SIL1: variants seen among roughly 807,000 people sequenced by gnomAD.
The protein encoded by SIL1 is SIL1 nucleotide exchange factor, also known as nucleotide exchange factor SIL1.
A neutral mutation model predicts 49.1 loss-of-function variants in SIL1; 40 were observed. The observed-to-expected ratio is 0.81, with a 90% CI of 0.63 to 1.06. The LOEUF (loss-of-function observed/expected upper bound fraction) is 1.06. Ranked by LOEUF, SIL1 falls within the 50% of genes least tolerant of loss-of-function variation. The probability of loss-of-function intolerance (pLI) is 0.00; values close to 1 mark genes in which losing one functional copy is unlikely to be tolerated. For missense variants in SIL1, 500 were observed against 572.6 expected (o/e 0.87, Z 1.29); for synonymous variants, 253 against 250.8 (o/e 1.01, Z -0.08).
At chr5:139,143,304 T>TACACACACACAC (rs1351115706) in intron 1 of SIL1, among the ~76,000 whole-genome samples, 2 of 73,014 alleles carry the variant, frequency 2.7e-5, no homozygotes, top group African/African-American at 1.5e-4. Context: ...TATATACATA[T>TACACACACACAC]ATACACACAC....
chr5:139,000,020 A>C (rs998052446), intron 7 of SIL1, among the ~76,000 whole-genome samples: 10 of 152,140 alleles, frequency 6.6e-5, no homozygotes, highest in Non-Finnish European at 1.3e-4. Flanking sequence ...AAGTGATGTA[A>C]ATAGGCATCT....
chr5:138,984,340 T>G (rs971001009), intron 7 of SIL1, among the ~76,000 whole-genome samples: 1 of 150,962 alleles, frequency 6.6e-6, no homozygotes, highest in African/African-American at 2.4e-5. Flanking sequence ...GTGTTTTTTT[T>G]TTTGTTTGCT....
intron 3 of SIL1, among the ~76,000 whole-genome samples, chr5:139,079,915 C>A (rs1306310742): frequency 6.6e-6 from 1 of 152,162 alleles, no homozygotes; most frequent in Non-Finnish European, 1.5e-5. Context: ...TTTAGAAAAC[C>A]AAAAGCAAGT....
intron 7 of SIL1, among the ~76,000 whole-genome samples, chr5:138,967,369 A>G (rs1263011276): frequency 6.6e-6 from 1 of 152,136 alleles, no homozygotes; most frequent in African/African-American, 2.4e-5. Flanking sequence ...GGCATGCTTA[A>G]TTTTCAGAAC....
At chr5:139,049,890 G>T (rs140264598) in intron 4 of SIL1, among the ~76,000 whole-genome samples, 1 of 151,756 alleles carries the variant, frequency 6.6e-6, no homozygotes, top group Non-Finnish European at 1.5e-5. Context: ...GTGCTTACAC[G>T]TGTTAGCACA....
At chr5:139,011,629 C>G (rs998820765) in intron 7 of SIL1, among the ~76,000 whole-genome samples, 1 of 152,100 alleles carries the variant, frequency 6.6e-6, no homozygotes, top group Non-Finnish European at 1.5e-5. Context: ...CCACTGCACC[C>G]CATCTAGCTA....
chr5:138,951,970 C>A, intron 7 of SIL1, 86 bp from the exon 8 acceptor site: 1 of 1,207,024 alleles, frequency 8.3e-7, no homozygotes, highest in Admixed American at 1.7e-5. Flanking sequence ...TCAGCCATCC[C>A]TGGGGAGAAA....
chr5:139,158,408 G>A (rs1751445207), intron 1 of SIL1, among the ~76,000 whole-genome samples: 2 of 152,214 alleles, frequency 1.3e-5, no homozygotes, highest in Admixed American at 1.3e-4. Flanking sequence ...CATCCTCAGA[G>A]AGAATCATCT....
chr5:139,171,690 T>C (rs980406151), intron 1 of SIL1, among the ~76,000 whole-genome samples: 2 of 114,590 alleles, frequency 1.7e-5, no homozygotes, highest in African/African-American at 6.7e-5. Context: ...CACCCAAGAA[T>C]GATCAATAAA....
intron 7 of SIL1, among the ~76,000 whole-genome samples, chr5:138,990,326 G>T (rs529124948): frequency 2.2e-4 from 34 of 152,248 alleles, no homozygotes; most frequent in African/African-American, 7.2e-4. Flanking sequence ...ACTCTAACCA[G>T]GGCAGCCTTT....
At chr5:139,048,270 G>GC (rs1438597453) in intron 4 of SIL1, among the ~76,000 whole-genome samples, 2 of 151,552 alleles carry the variant, frequency 1.3e-5, no homozygotes, top group African/African-American at 4.9e-5. Flanking sequence ...TCCCATCTCA[G>GC]CCTCCTGAGT....
chr5:139,064,870 G>T (rs1331873245), intron 3 of SIL1, among the ~76,000 whole-genome samples: 1 of 152,094 alleles, frequency 6.6e-6, no homozygotes, highest in Admixed American at 6.5e-5. Context: ...ACTTCACAGG[G>T]CTCACAGGGT....
intron 1 of SIL1, among the ~76,000 whole-genome samples, chr5:139,143,288 CATGTGTATATACATATAT>C (rs1751119375): frequency 7.0e-6 from 1 of 143,334 alleles, no homozygotes; most frequent in African/African-American, 2.6e-5. Context: ...TGTATATACA[CATGTGTATATACATATAT>C]ACACACACAC....
intron 7 of SIL1, among the ~76,000 whole-genome samples, chr5:139,015,845 A>G (rs1764755474): frequency 6.6e-6 from 1 of 152,222 alleles, no homozygotes; most frequent in African/African-American, 2.4e-5. Context: ...TAGACCATTC[A>G]TAGCGCATTT....
At chr5:139,019,745 T>C (rs528454791) in intron 7 of SIL1, among the ~76,000 whole-genome samples, 1 of 152,238 alleles carries the variant, frequency 6.6e-6, no homozygotes, top group African/African-American at 2.4e-5. Context: ...GTAATGTATT[T>C]CCAGAAGCAA....
intron 3 of SIL1, among the ~76,000 whole-genome samples, chr5:139,071,147 T>G (rs1304234379): frequency 7.5e-6 from 1 of 133,980 alleles, no homozygotes; most frequent in Non-Finnish European, 1.5e-5. Flanking sequence ...TCAGCAAAAT[T>G]TAGCCTGGGA....
intron 7 of SIL1, among the ~76,000 whole-genome samples, chr5:139,015,229 G>C (rs1271514136): frequency 6.6e-6 from 1 of 152,122 alleles, no homozygotes; most frequent in Non-Finnish European, 1.5e-5. Flanking sequence ...AGATAGAAAA[G>C]AGATCTTATC....
chr5:139,161,895 C>T (rs1274190770), intron 1 of SIL1, among the ~76,000 whole-genome samples: 2 of 152,002 alleles, frequency 1.3e-5, no homozygotes, highest in Non-Finnish European at 2.9e-5. Flanking sequence ...CTCCCGTAGT[C>T]CCCACTACTT....
intron 3 of SIL1, among the ~76,000 whole-genome samples, chr5:139,055,751 G>A (rs1043298446): frequency 2.0e-5 from 3 of 149,240 alleles, no homozygotes; most frequent in African/African-American, 2.5e-5. Context: ...CTGCCATCTC[G>A]GCTCACTGCA....
Sources: allele counts gnomAD v4.1 joint callset (sites outside exome capture counted in the v4.1 genomes callset), GRCh38; gene constraint gnomAD v4.1.1; transcripts MANE v1.5; gene names NCBI Gene and HGNC (gene_info 2026-07-23, HGNC 2026-07-21).